CD9: variants seen among roughly 807,000 people sequenced by gnomAD.
CD9 encodes the protein CD9 molecule, also known as CD9 antigen.
CD9 carries 10 observed loss-of-function variants against 31.4 expected under a neutral mutation model. The ratio of observed to expected loss-of-function variants is 0.32; its 90% CI spans 0.20 to 0.54. CD9 has a LOEUF of 0.54. CD9 is among the 20% of genes least tolerant of loss of function. CD9 has a pLI of 0.94. For missense variants in CD9, 259 were observed against 300.1 expected, an observed-to-expected ratio of 0.86 and a Z score of 1.01; for synonymous variants, 113 against 114.1, an observed-to-expected ratio of 0.99 and a Z score of 0.06.
intron 3 of CD9, 106 bp from the exon 4 acceptor site, chr12:6,233,306 G>C (rs756910879): frequency 2.5e-6 from 2 of 796,902 alleles, no homozygotes; most frequent in Non-Finnish European, 4.4e-6. Flanking sequence ...GTCACCAGAT[G>C]CCTGTTCCCA....
chr12:6,212,118 C>T (rs1217291291), intron 1 of CD9, among the ~76,000 whole-genome samples: 1 of 152,180 alleles, frequency 6.6e-6, no homozygotes, highest in Non-Finnish European at 1.5e-5. Context: ...ACCAAGCTGT[C>T]TCCCTTCTAT....
At chr12:6,225,216 A>G (rs1946347437) in intron 1 of CD9, 2 of 561,378 alleles carry the variant, frequency 3.6e-6, no homozygotes, top group South Asian at 4.7e-5. Context: ...GGCGGCAGGT[A>G]GGTCACTGTT....
chr12:6,227,920 A>C (rs141247004), intron 2 of CD9, among the ~76,000 whole-genome samples: 141 of 152,290 alleles, frequency 9.3e-4, no homozygotes, highest in African/African-American at 3.3e-3. Flanking sequence ...GTGGCAGGAG[A>C]ATGGTGAGTG....
At chr12:6,216,709 A>G (rs1946246366) in intron 1 of CD9, among the ~76,000 whole-genome samples, 1 of 151,952 alleles carries the variant, frequency 6.6e-6, no homozygotes. Flanking sequence ...AAGTTTATCC[A>G]TTTTCCTCCA....
intron 1 of CD9, among the ~76,000 whole-genome samples, chr12:6,216,094 C>T (rs1003811001): frequency 1.3e-5 from 2 of 152,184 alleles, no homozygotes; most frequent in South Asian, 2.1e-4. Flanking sequence ...CTGCCTGGCC[C>T]GGCTTCCTGA....
chr12:6,235,388 GTGC>G, intron 5 of CD9, 61 bp downstream of exon 5: 2 of 1,614,142 alleles, frequency 1.2e-6, no homozygotes, highest in Non-Finnish European at 1.7e-6. Context: ...TGCACACAGG[GTGC>G]TGACTGCACC....
rs755439450 is a variant in CD9, at chr12:6,233,399, C to G, written c.274-13C>G. 1 of 1,610,892 alleles carries G rather than the reference C, an allele frequency of 6.2e-7. No individual in the cohort carries two copies. The highest frequency in any genetic ancestry group is 1.1e-5 in the South Asian group (1 of 91,028). On this transcript the variant is annotated splice_polypyrimidine_tract_variant and intron_variant, in intron 3 of 7. Transcript: ENST00000009180. ...TGGGACTGTTCTCACCCCGTCCCCT[C>G]GTTGCCTTCCAGTTCTTCGGCTTCC...
chr12:6,201,256 C>T (rs1468177112), intron 1 of CD9, among the ~76,000 whole-genome samples: 2 of 152,208 alleles, frequency 1.3e-5, no homozygotes, highest in East Asian at 3.9e-4. Flanking sequence ...GAAAGACTAG[C>T]TTGTCTTGAT....
intron 1 of CD9, among the ~76,000 whole-genome samples, chr12:6,210,856 GAGA>G (rs1946186797): frequency 2.6e-5 from 2 of 76,030 alleles, no homozygotes; most frequent in African/African-American, 5.5e-5. Context: ...TTTTTTTTTT[GAGA>G]AGGAGTCTCG....
chr12:6,221,027 C>G (rs1946286884), intron 1 of CD9, among the ~76,000 whole-genome samples: 1 of 152,196 alleles, frequency 6.6e-6, no homozygotes, highest in African/African-American at 2.4e-5. Flanking sequence ...TCCTTGTTTT[C>G]CATGACCTTG....
chr12:6,229,554 AG>A (rs757446745), intron 2 of CD9, among the ~76,000 whole-genome samples: 28 of 152,220 alleles, frequency 1.8e-4, no homozygotes, highest in Non-Finnish European at 2.4e-4. Flanking sequence ...GTCGGGGCAG[AG>A]GTAGGGCTCC....
At chr12:6,214,969 C>T (rs1946230212) in intron 1 of CD9, among the ~76,000 whole-genome samples, 1 of 152,144 alleles carries the variant, frequency 6.6e-6, no homozygotes, top group East Asian at 1.9e-4. Context: ...CAGAGTTGTC[C>T]AGCCGTTCTC....
chr12:6,218,724 T>C (rs567254886), intron 1 of CD9, among the ~76,000 whole-genome samples: 1 of 152,208 alleles, frequency 6.6e-6, no homozygotes, highest in South Asian at 2.1e-4. Flanking sequence ...GATTTTGCAG[T>C]GTGAGTCACT....
Position 6,232,594 on chromosome 12 carries a change from T to A in CD9, c.176-38T>A. The A allele has an allele frequency of 1.5e-6, 2 of 1,318,898 alleles. No individual in the cohort carries two copies. Among genetic ancestry groups the A allele is most frequent in the Non-Finnish European group, 2.1e-6 (2 of 940,430 alleles). 81.7% of individuals were successfully genotyped at this position (1,318,898 alleles called of 1,614,324 possible). ...GGAGATGCCTGGGCCTCTGAACTGA[T>A]GTCTCCACGCGTGTGTGCTTCCTCT... On this transcript the variant is annotated intron_variant, in intron 2 of 7. Transcript: ENST00000009180. The surrounding 1 kb of genome is among the most constrained non-coding windows in gnomAD (Gnocchi z 4.8).
In CD9 at chr12:6,237,806, G is replaced by T. The variant is rs201524346; in HGVS notation, c.665G>T (p.Arg222Leu). ...AGTATGATCTTGTGCTGTGCTATCC[G>T]CAGGAACCGCGAGATGGTCTAGAGT... ...IFSMILCCAI[R>L]RNREMV The change falls in exon 8 of 8, where the codon CGC becomes CTC. Residue 222 changes from arginine to leucine, a missense_variant. Physicochemically the swap from Arg to Leu is moderately radical, Grantham distance 102. Coordinates refer to ENST00000009180, the MANE Select transcript of CD9 (RefSeq NM_001769.4). The T allele has an allele frequency of 1.2e-6, 2 of 1,612,836 alleles. No individual in the cohort carries two copies. Among genetic ancestry groups the T allele is most frequent in the Non-Finnish European group, 8.5e-7 (1 of 1,178,958 alleles).
At chr12:6,227,616 T>C (rs1946386444) in intron 2 of CD9, among the ~76,000 whole-genome samples, 1 of 152,180 alleles carries the variant, frequency 6.6e-6, no homozygotes, top group Non-Finnish European at 1.5e-5. Flanking sequence ...ATCTCACAAG[T>C]GCAGAAACCG....
chr12:6,229,500 C>G (rs11568255), intron 2 of CD9, among the ~76,000 whole-genome samples: 5,561 of 152,318 alleles, frequency 0.037, 330 homozygotes, highest in African/African-American at 0.13. Flanking sequence ...CATTGTGGCA[C>G]TTATTCCCGT....
At chr12:6,214,344 C>T (rs1455448732) in intron 1 of CD9, among the ~76,000 whole-genome samples, 7 of 67,072 alleles carry the variant, frequency 1.0e-4, no homozygotes, top group South Asian at 6.8e-4. Context: ...CCATTAGCCT[C>T]TTTTTTTTTT....
In CD9 at chr12:6,219,163, G is replaced by A. The variant is rs537184003; in HGVS notation, c.67-6263G>A. ...TGGGACTACAGGCACACACCACCAC[G>A]CCCGGCTAATTTTTGTAGTTTTAGT... On this transcript the variant is annotated intron_variant, in intron 1 of 7. Transcript: ENST00000009180. Among the ~76,000 whole-genome samples, 103 of 151,972 alleles carry A rather than the reference G, an allele frequency of 6.8e-4. No homozygotes were observed. In the South Asian group the frequency reaches 0.014, roughly 21 times the overall value.
Sources: allele counts gnomAD v4.1 joint callset (sites outside exome capture counted in the v4.1 genomes callset), GRCh38; gene constraint gnomAD v4.1.1; non-coding constraint Gnocchi (gnomAD v3.1); transcripts MANE v1.5; gene names NCBI Gene and HGNC (gene_info 2026-07-23, HGNC 2026-07-21).